The following SUSD6 variants were observed in gnomAD, a reference collection of about 807,000 sequenced individuals.
The protein encoded by SUSD6 is sushi domain-containing protein 6.
Under a neutral mutation model 28.4 loss-of-function variants are expected in SUSD6, and 16 were observed. That is an observed-to-expected ratio of 0.56 (90% CI 0.38 to 0.86). The LOEUF (loss-of-function observed/expected upper bound fraction) is 0.86, where lower values mean the gene tolerates loss of function less well. Among genes scored for constraint, SUSD6 ranks in the 40% least tolerant of loss-of-function variants. The probability of loss-of-function intolerance (pLI) is 0.00; values close to 1 mark genes in which losing one functional copy is unlikely to be tolerated. For missense variants in SUSD6, 341 were observed against 384.2 expected (o/e 0.89, Z 0.94); for synonymous variants, 147 against 159.6 (o/e 0.92, Z 0.59).
At chr14:69,618,042 C>T (rs1045887080) in intron 1 of SUSD6, among the ~76,000 whole-genome samples, 10 of 152,310 alleles carry the variant, frequency 6.6e-5, no homozygotes, top group African/African-American at 2.2e-4. Context: ...CAGGATGTGT[C>T]CCTGTGTGGT....
At chr14:69,683,675 A>G (rs1273676854) in intron 2 of SUSD6, among the ~76,000 whole-genome samples, 1 of 152,218 alleles carries the variant, frequency 6.6e-6, no homozygotes, top group Non-Finnish European at 1.5e-5. Context: ...GAACAAGCCA[A>G]AGTGTGGAGA....
intron 1 of SUSD6, among the ~76,000 whole-genome samples, chr14:69,612,405 C>T (rs1028488455): frequency 2.0e-5 from 3 of 152,226 alleles, no homozygotes; most frequent in Admixed American, 6.5e-5. Context: ...CCAGGCTAAA[C>T]TCCCCGAAAC....
chr14:69,661,521 C>G (rs1300810029), intron 2 of SUSD6, among the ~76,000 whole-genome samples: 1 of 152,140 alleles, frequency 6.6e-6, no homozygotes, highest in East Asian at 1.9e-4. Flanking sequence ...CTTTTCTACT[C>G]CCCATAAAAC....
rs1406734175 is a variant in SUSD6 at position 69,711,330 on chromosome 14, G to C, written c.*351G>C. On this transcript the variant is annotated 3_prime_UTR_variant, in exon 6 of 6. Coordinates refer to ENST00000342745, the MANE Select transcript of SUSD6 (RefSeq NM_014734.4). ...AGCCCCCACCAGCTCCTGTGGGCCT[G>C]AGTGCTGCTGTGTTTACTTGTGCCT... 6 of 351,998 alleles carry C rather than the reference G, an allele frequency of 1.7e-5. No homozygotes were observed. In the East Asian group the frequency reaches 3.7e-4, roughly 22 times the overall value. The allele number at this position is 351,998 out of a possible 1,614,324, so 21.8% of individuals were successfully genotyped here.
At chr14:69,667,197 G>A (rs1885754851) in intron 2 of SUSD6, among the ~76,000 whole-genome samples, 1 of 152,068 alleles carries the variant, frequency 6.6e-6, no homozygotes, top group African/African-American at 2.4e-5. Context: ...CCTGAGCACT[G>A]GTCTAGGCAC....
In SUSD6 at chr14:69,710,958, T is replaced by G. The variant is rs757773893; in HGVS notation, c.891T>G (p.Ile297Met). 2.5e-6 allele frequency: 4 copies of G among 1,614,110 alleles called. No individual in the cohort carries two copies. Among genetic ancestry groups the G allele is most frequent in the Non-Finnish European group, 3.4e-6 (4 of 1,179,986 alleles). ...TTTCTTCTGGTCTTCCTGCAGATATTCCACTGTTGAAAGAAGCATGAGGGC... is the reference window on the plus strand; with the variant it reads ...TTTCTTCTGGTCTTCCTGCAGATATGCCACTGTTGAAAGAAGCATGAGGGC... ...SLTSEEYTDD[I>M]PLLKEA is the part of the protein sequence containing the mutation. Residue 297 changes from isoleucine (I) to methionine (M), a missense_variant, in exon 6 of 6, where the codon ATT (isoleucine) becomes ATG (methionine). Physicochemically the swap from Ile to Met is conservative, Grantham distance 10. Transcript: ENST00000342745.
intron 2 of SUSD6, 97 bp downstream of exon 2, chr14:69,658,810 G>T (rs868766969): frequency 7.2e-6 from 11 of 1,530,542 alleles, no homozygotes; most frequent in South Asian, 1.1e-5. Flanking sequence ...CCTGGCAGGC[G>T]GTTTCAGGGA....
chr14:69,631,752 A>C (rs74060237), intron 1 of SUSD6, among the ~76,000 whole-genome samples: 1 of 152,152 alleles, frequency 6.6e-6, no homozygotes, highest in African/African-American at 2.4e-5. Context: ...ACACAGCCCC[A>C]AGTCACGGGC....
At chr14:69,699,666 T>C (rs973344325) in intron 2 of SUSD6, among the ~76,000 whole-genome samples, 4 of 151,984 alleles carry the variant, frequency 2.6e-5, no homozygotes, top group Non-Finnish European at 4.4e-5. Context: ...AAATAATTTT[T>C]GTACTGAGTT....
intron 1 of SUSD6, among the ~76,000 whole-genome samples, chr14:69,648,941 C>G (rs1885465958): frequency 6.6e-6 from 1 of 152,012 alleles, no homozygotes; most frequent in Non-Finnish European, 1.5e-5. Flanking sequence ...CTTTATCTTT[C>G]TTTGTAAGTA....
rs184281459 is a variant in SUSD6, at chr14:69,687,906, T to G, written c.122-15489T>G. Among the ~76,000 whole-genome samples, 19 of 152,354 alleles carry G rather than the reference T, an allele frequency of 1.2e-4. No homozygotes were observed. The East Asian group carries it at 3.1e-3, about 25-fold the overall frequency. ...TTTCTTTTTTTTCCCTTTTCAACTT[T>G]GGTGGAATGCCTTTGAGTAGGGGCT... On this transcript the variant is annotated intron_variant, in intron 2 of 5. Transcript: ENST00000342745.
At chr14:69,645,753 CTT>C (rs764110222) in intron 1 of SUSD6, among the ~76,000 whole-genome samples, 6 of 145,000 alleles carry the variant, frequency 4.1e-5, no homozygotes, top group Admixed American at 1.4e-4. Context: ...CACTTTCTCA[CTT>C]TTTTTTTTTT....
intron 1 of SUSD6, among the ~76,000 whole-genome samples, chr14:69,645,647 A>G (rs936763698): frequency 2.0e-5 from 3 of 152,040 alleles, no homozygotes; most frequent in African/African-American, 7.3e-5. Flanking sequence ...GAGAAGGTAT[A>G]CCTTATAAGA....
intron 2 of SUSD6, among the ~76,000 whole-genome samples, chr14:69,697,085 C>T (rs2139641431): frequency 6.6e-6 from 1 of 152,226 alleles, no homozygotes; most frequent in East Asian, 1.9e-4. Context: ...AGGGTTCCTC[C>T]CCTTTTCAGA....
At position 69,712,380 on chromosome 14, in the gene SUSD6, G is replaced by T. The variant is rs1886476584; in HGVS notation, c.*1401G>T. The T allele has an allele frequency of 6.6e-6, 1 of 152,316 alleles. No homozygotes were observed. The highest frequency in any genetic ancestry group is 2.4e-5 in the African/African-American group (1 of 41,470). The allele number at this position is 152,316 out of a possible 1,614,324, so 9.4% of individuals were successfully genotyped here. A position where few individuals can be genotyped will look rare whatever the true frequency, so the allele number is the denominator to read the frequency against. On this transcript the variant is annotated 3_prime_UTR_variant, in exon 6 of 6. Coordinates refer to ENST00000342745, the MANE Select transcript of SUSD6 (RefSeq NM_014734.4). ...GGGCGCTCTCCCATAGCCATGTGTT[G>T]AATGCTAACTAGGCTGGGGTGGACG...
Position 69,611,786 on chromosome 14 carries a change from A to C in SUSD6, c.-123A>C, listed in dbSNP as rs1023982418. ...GGGCGCGCGCAAGCGGCGGCGTGGA[A>C]GCTGTGAGCGCCCCCATCCCGGAGG... On this transcript the variant is annotated 5_prime_UTR_variant, in exon 1 of 6. Coordinates refer to ENST00000342745, the MANE Select transcript of SUSD6 (RefSeq NM_014734.4). 6 of 151,436 alleles carry C rather than the reference A, an allele frequency of 4.0e-5. No individual in the cohort carries two copies. Among genetic ancestry groups the C allele is most frequent in the African/African-American group, 1.5e-4 (6 of 41,344 alleles). 9.4% of individuals were successfully genotyped at this position (151,436 alleles called of 1,614,324 possible).
At chr14:69,648,579 A>G (rs947176847) in intron 1 of SUSD6, among the ~76,000 whole-genome samples, 1 of 152,178 alleles carries the variant, frequency 6.6e-6, no homozygotes, top group Non-Finnish European at 1.5e-5. Flanking sequence ...TCCCAGACTG[A>G]CTGGGAATGT....
intron 1 of SUSD6, among the ~76,000 whole-genome samples, chr14:69,633,588 A>G (rs1555343038): frequency 6.6e-6 from 1 of 150,958 alleles, no homozygotes; most frequent in African/African-American, 2.4e-5. Context: ...TTTTTTTCCT[A>G]TTTTTTCATT....
intron 2 of SUSD6, among the ~76,000 whole-genome samples, chr14:69,686,618 G>A (rs772217189): frequency 1.8e-4 from 27 of 152,206 alleles, no homozygotes; most frequent in Non-Finnish European, 3.4e-4. Context: ...AATCATGGTG[G>A]AAGGCAAGGA....
Sources: gnomAD v4.1 joint callset for allele counts (sites outside exome capture counted in the v4.1 genomes callset) on GRCh38, gnomAD v4.1.1 for gene constraint, MANE v1.5 for transcripts, NCBI Gene and HGNC (gene_info 2026-07-23, HGNC 2026-07-21) for gene names.